Variants in NPIPB11 observed in about 807,000 individuals in gnomAD.
NPIPB11 encodes the protein nuclear pore complex-interacting protein family member B11.
NPIPB11 carries 17 observed loss-of-function variants against 32.8 expected under a neutral mutation model. That is an observed-to-expected ratio of 0.52 (90% CI 0.35 to 0.78). The LOEUF is 0.78. NPIPB11 is among the 30% of genes least tolerant of loss of function. The pLI is 0.01. For missense variants in NPIPB11, 537 were observed against 1,000.4 expected (o/e 0.54, Z 6.25); for synonymous variants, 209 against 398.4 (o/e 0.52, Z 5.66).
At chr16:29,401,126 G>T (rs1388306927) in intron 2 of NPIPB11, among the ~76,000 whole-genome samples, 1 of 152,146 alleles carries the variant, frequency 6.6e-6, no homozygotes, top group African/African-American at 2.4e-5. Context: ...CGACACGGGG[G>T]CACTGTCAGT....
At chr16:29,401,746 T>G (rs4017124) in intron 2 of NPIPB11, among the ~76,000 whole-genome samples, 5 of 152,280 alleles carry the variant, frequency 3.3e-5, no homozygotes, top group South Asian at 4.1e-4. Context: ...CCATTGAGAC[T>G]GGCCACCCTC....
At position 29,381,467 on chromosome 16, in the gene NPIPB11, G is replaced by A; in HGVS notation, c.3465C>T (p.Pro1155=). Residue 1155 remains proline, a synonymous_variant, in exon 8 of 8, where the codon CCC becomes CCT. Coordinates refer to ENST00000524087, the Ensembl canonical transcript of NPIPB11. ...CTTCTCAGCTCAACCTCCGCCTCTT[G>A]GGTTCGGGTGATGATGGTTCCACGT... The A allele has an allele frequency of 2.3e-6, 3 of 1,297,388 alleles. No individual in the cohort carries two copies. In the South Asian group the frequency reaches 3.8e-5, roughly 16 times the overall value. 80.4% of individuals were successfully genotyped at this position (1,297,388 alleles called of 1,614,324 possible).
chr16:29,390,460 C>T, intron 3 of NPIPB11, 112 bp from the exon 4 acceptor site: 3 of 1,543,120 alleles, frequency 1.9e-6, no homozygotes, highest in East Asian at 2.2e-5. Context: ...CAAGACCAGC[C>T]TGGCCAAGAT....
intron 2 of NPIPB11, among the ~76,000 whole-genome samples, chr16:29,400,934 C>T (rs1320696712): frequency 6.6e-6 from 1 of 151,490 alleles, no homozygotes; most frequent in East Asian, 2.0e-4. Flanking sequence ...AGACGATTCC[C>T]TGTCCCTTGC....
rs573087265 is a variant in NPIPB11 at position 29,383,022 on chromosome 16, C to T, written c.1910G>A (p.Arg637Gln). Residue 637 changes from arginine (R) to glutamine (Q), a missense_variant, in exon 8 of 8, where the codon CGG (arginine) becomes CAG (glutamine). Arg to Gln is a conservative substitution (Grantham distance 43). Coordinates refer to ENST00000524087, the Ensembl canonical transcript of NPIPB11. ...CGGAAGGTGTCTTGAGATTATCATCCGCTGACGGTGGAAGCGGAACCCGCA... is the reference window on the plus strand; with the variant it reads ...CGGAAGGTGTCTTGAGATTATCATCTGCTGACGGTGGAAGCGGAACCCGCA... 151 of 1,596,300 alleles carry T rather than the reference C, an allele frequency of 9.5e-5. 10 individuals are homozygous for T. The South Asian group carries it at 1.5e-3, about 16-fold the overall frequency.
intron 5 of NPIPB11, among the ~76,000 whole-genome samples, chr16:29,389,014 G>A (rs1963638135): frequency 6.7e-6 from 1 of 148,712 alleles, no homozygotes; most frequent in Admixed American, 6.8e-5. Context: ...GGCCAATATG[G>A]TGAAACCCCG....
chr16:29,398,649 T>A (rs1025158094), intron 2 of NPIPB11, among the ~76,000 whole-genome samples: 1 of 152,000 alleles, frequency 6.6e-6, no homozygotes, highest in African/African-American at 2.4e-5. Context: ...GTGCTAGAAG[T>A]CAATGATTAA....
exon 8 of NPIPB11, chr16:29,382,225 G>A (rs749543607): frequency 2.0e-5 from 31 of 1,572,884 alleles, no homozygotes; most frequent in African/African-American, 1.3e-4. Context: ...GTGAGCTGAC[G>A]TTTGGAAGGT....
intron 5 of NPIPB11, among the ~76,000 whole-genome samples, chr16:29,388,980 A>G (rs981886594): frequency 6.9e-6 from 1 of 144,806 alleles, no homozygotes; most frequent in Non-Finnish European, 1.5e-5. Context: ...GCGGATCATG[A>G]TGTCAGGAGT....
chr16:29,405,352 T>C (rs1225614620), upstream of NPIPB11, among the ~76,000 whole-genome samples: 1 of 152,034 alleles, frequency 6.6e-6, no homozygotes, highest in African/African-American at 2.4e-5. Context: ...AAAAGCCTAC[T>C]ACGTGCCAGC....
intron 3 of NPIPB11, among the ~76,000 whole-genome samples, chr16:29,390,653 TAC>T (rs56110526): frequency 7.5e-5 from 11 of 146,822 alleles, no homozygotes; most frequent in African/African-American, 1.3e-4. Context: ...CTCTGTCACA[TAC>T]ACACACACAC....
At chr16:29,382,260 G>A (rs745687552) in exon 8 of NPIPB11, 1 of 1,602,846 alleles carries the variant, frequency 6.2e-7, no homozygotes. Context: ...ATCCGCTGAG[G>A]GTGGAAGCGG....
intron 5 of NPIPB11, among the ~76,000 whole-genome samples, chr16:29,389,006 C>A (rs2142122258): frequency 6.8e-6 from 1 of 147,828 alleles, no homozygotes; most frequent in South Asian, 2.2e-4. Flanking sequence ...ACCAGCTTGG[C>A]CAATATGGTG....
chr16:29,395,352 G>A (rs1228550895), intron 2 of NPIPB11, among the ~76,000 whole-genome samples: 1 of 50,798 alleles, frequency 2.0e-5, no homozygotes, highest in Non-Finnish European at 3.5e-5. Context: ...AGTAGAAACA[G>A]GGTTTCACCA....
chr16:29,400,967 GCT>G (rs1179688652), intron 2 of NPIPB11, among the ~76,000 whole-genome samples: 3 of 152,088 alleles, frequency 2.0e-5, no homozygotes, highest in African/African-American at 7.2e-5. Flanking sequence ...CAGGGTACAG[GCT>G]CGCACCTGGG....
chr16:29,396,138 G>A (rs1484863375), intron 2 of NPIPB11, among the ~76,000 whole-genome samples: 43 of 147,544 alleles, frequency 2.9e-4, no homozygotes, highest in African/African-American at 6.7e-4. Context: ...ACATTTCTAC[G>A]TCGATTCCTC....
At chr16:29,392,138 A>G (rs2142127135) in intron 3 of NPIPB11, among the ~76,000 whole-genome samples, 1 of 151,872 alleles carries the variant, frequency 6.6e-6, no homozygotes, top group East Asian at 1.9e-4. Flanking sequence ...TAAAAAGATG[A>G]AAAGAGCAAC....
In NPIPB11 at chr16:29,393,993, C is replaced by T. The variant is rs148173768; in HGVS notation, c.204G>A (p.Pro68=). 330 of 1,599,390 alleles carry T rather than the reference C, an allele frequency of 2.1e-4. No homozygotes were observed. The East Asian group carries it at 3.5e-3, about 17-fold the overall frequency. Reference sequence around the variant, plus strand: ...GGGTAATGACAACTTTATAACTTGTCGGAAACGCAATAATAATATGTAACC... The same window carrying T: ...GGGTAATGACAACTTTATAACTTGTTGGAAACGCAATAATAATATGTAACC... Residue 68 remains proline (P), a synonymous_variant, in exon 3 of 8, where the codon CCG becomes CCA. Transcript: ENST00000524087.
At chr16:29,394,773 TCTCA>T (rs1188233602) in intron 2 of NPIPB11, among the ~76,000 whole-genome samples, 6 of 146,164 alleles carry the variant, frequency 4.1e-5, no homozygotes, top group Non-Finnish European at 9.0e-5. Flanking sequence ...TGAGATGGGG[TCTCA>T]CTCTGTCACC....
Sources: allele counts gnomAD v4.1 joint callset (sites outside exome capture counted in the v4.1 genomes callset), GRCh38; gene constraint gnomAD v4.1.1; transcripts MANE v1.5; gene names NCBI Gene and HGNC (gene_info 2026-07-23, HGNC 2026-07-21).